Variants in PRDM11 observed in about 807,000 individuals in gnomAD.
PRDM11 encodes PR domain-containing protein 11.
PRDM11 carries 20 observed loss-of-function variants against 97.8 expected under a neutral mutation model. The observed-to-expected ratio is 0.20, with a 90% CI of 0.14 to 0.30. PRDM11 has a LOEUF of 0.30. PRDM11 is among the 10% of genes least tolerant of loss of function. The pLI is 1.00. For synonymous variants in PRDM11, 599 were observed against 637.7 expected (o/e 0.94, Z 0.91); for missense variants, 1,139 against 1,555.2 (o/e 0.73, Z 4.50).
At chr11:45,149,334 T>C (rs958630047) in intron 1 of PRDM11, among the ~76,000 whole-genome samples, 1 of 152,258 alleles carries the variant, frequency 6.6e-6, no homozygotes, top group Non-Finnish European at 1.5e-5. Flanking sequence ...ATCTGGCCCC[T>C]GCCCTTGACC....
At chr11:45,165,020 A>C (rs940334077) in intron 1 of PRDM11, among the ~76,000 whole-genome samples, 3 of 151,924 alleles carry the variant, frequency 2.0e-5, no homozygotes, top group Admixed American at 6.6e-5. Flanking sequence ...ACCTGATTTC[A>C]CTCTCATCCC....
chr11:45,101,579 G>A lies in PRDM11; in HGVS notation c.96+5678G>A, dbSNP rs1202836591. Among the ~76,000 whole-genome samples the A allele has an allele frequency of 3.2e-3, 442 of 139,296 alleles. 18 individuals are homozygous for A. Among genetic ancestry groups the A allele is most frequent in the African/African-American group, 9.8e-3 (382 of 39,104 alleles). 91.4% of individuals were successfully genotyped at this position (139,296 alleles called of 152,430 possible). ...TCAAAAAAAAAAAAAAGAAGAAGAA[G>A]AAGAAGAAGAAGAAGAAGAAGGCGT... On this transcript the variant is annotated intron_variant, in intron 1 of 6. Coordinates refer to the PRDM11 transcript ENST00000530656.
At chr11:45,163,054 C>G (rs904639561) in intron 1 of PRDM11, among the ~76,000 whole-genome samples, 1 of 152,184 alleles carries the variant, frequency 6.6e-6, no homozygotes, top group Non-Finnish European at 1.5e-5. Flanking sequence ...ATGCTCTCAA[C>G]TGTGTCCCAA....
rs1288420634 is a variant in PRDM11, at chr11:45,230,254, G to T, written c.*2095G>T. On this transcript the variant is annotated 3_prime_UTR_variant, in exon 8 of 8. Coordinates refer to ENST00000683152, the MANE Select transcript of PRDM11 (RefSeq NM_001384648.1). ...GTCCCACTGCCAGGCCTCATATGCT[G>T]CCTTCTTCAACAAATCAATGCACCC... 6.6e-6 allele frequency: 1 copy of T among 151,790 alleles called. No individual in the cohort carries two copies. The highest frequency in any genetic ancestry group is 1.5e-5 in the Non-Finnish European group (1 of 67,998). The allele number at this position is 151,790 out of a possible 1,614,324, so 9.4% of individuals were successfully genotyped here. A position where few individuals can be genotyped will look rare whatever the true frequency, so the allele number is the denominator to read the frequency against.
chr11:45,139,631 T>C (rs1455926520), intron 1 of PRDM11, among the ~76,000 whole-genome samples: 1 of 150,740 alleles, frequency 6.6e-6, no homozygotes, highest in Non-Finnish European at 1.5e-5. Context: ...CCTTTGACCC[T>C]GAAATTTCAT....
chr11:45,102,909 G>A (rs1436279103), intron 1 of PRDM11, among the ~76,000 whole-genome samples: 1 of 152,234 alleles, frequency 6.6e-6, no homozygotes, highest in African/African-American at 2.4e-5. Context: ...GTCGACCGAG[G>A]AAGGGAGAGC....
intron 5 of PRDM11, chr11:45,213,930 C>T: frequency 2.8e-6 from 1 of 353,304 alleles, no homozygotes; most frequent in South Asian, 2.1e-5. Flanking sequence ...CCTTGCCAGG[C>T]CTCTGCCCCC....
chr11:45,227,817 C>G lies in PRDM11; in HGVS notation c.3192C>G (p.Tyr1064Ter), dbSNP rs1854312718. Residue 1064 changes from tyrosine (Y) to a stop codon, truncating the protein, a stop_gained, in exon 8 of 8, where the codon TAC (tyrosine) becomes TAG (stop). Coordinates refer to ENST00000683152, the MANE Select transcript of PRDM11 (RefSeq NM_001384648.1). LOFTEE classifies it high-confidence loss of function. The surrounding 1 kb of genome is among the most constrained non-coding windows in gnomAD (Gnocchi z 8.0). ...ACCTGATCAGCCACATTTGCAAGTA[C>G]AAACAGAGGTTTCCACTCTTGAACA... ...FKDLISHICKYKQRFPLLNKI... is the reference protein window; with the variant it reads ...FKDLISHICK 6.5e-7 allele frequency: 1 copy of G among 1,533,842 alleles called. No homozygotes were observed. Among genetic ancestry groups the G allele is most frequent in the Non-Finnish European group, 8.7e-7 (1 of 1,146,750 alleles).
chr11:45,140,254 G>A (rs957585928), intron 1 of PRDM11, among the ~76,000 whole-genome samples: 2 of 152,186 alleles, frequency 1.3e-5, no homozygotes, highest in African/African-American at 4.8e-5. Flanking sequence ...TGGCTGTATG[G>A]ATTGACATGT....
intron 1 of PRDM11, among the ~76,000 whole-genome samples, chr11:45,107,550 T>C (rs1317375324): frequency 6.6e-6 from 1 of 152,016 alleles, no homozygotes; most frequent in African/African-American, 2.4e-5. Context: ...TGGGGTGCAG[T>C]GGGAAAGCCA....
intron 5 of PRDM11, 58 bp downstream of exon 5, chr11:45,204,836 A>G: frequency 1.3e-6 from 2 of 1,525,468 alleles, no homozygotes; most frequent in Non-Finnish European, 1.8e-6. Context: ...AAAGGAGCCA[A>G]GGGAGTGTGT....
intron 4 of PRDM11, among the ~76,000 whole-genome samples, chr11:45,188,480 G>T (rs1852789872): frequency 6.6e-6 from 1 of 152,160 alleles, no homozygotes; most frequent in South Asian, 2.1e-4. Flanking sequence ...TTACCTCCTT[G>T]CCTGGGTAGA....
At chr11:45,188,030 GT>G (rs1372500015) in intron 4 of PRDM11, among the ~76,000 whole-genome samples, 1 of 152,030 alleles carries the variant, frequency 6.6e-6, no homozygotes, top group Admixed American at 6.6e-5. Flanking sequence ...GTCAAGTCCT[GT>G]CCCAAAGCCA....
chr11:45,104,535 C>T (rs1852028890), intron 1 of PRDM11, among the ~76,000 whole-genome samples: 2 of 152,098 alleles, frequency 1.3e-5, no homozygotes, highest in Admixed American at 1.3e-4. Flanking sequence ...GGGCAAGAGC[C>T]TCTCCATTTT....
chr11:45,218,665 C>T (rs1460438681), intron 5 of PRDM11, among the ~76,000 whole-genome samples: 1 of 152,210 alleles, frequency 6.6e-6, no homozygotes, highest in Admixed American at 6.5e-5. Flanking sequence ...ATCTGTACAC[C>T]TTCACTCCTC....
At chr11:45,143,923 T>C (rs1009819554), upstream of PRDM11, among the ~76,000 whole-genome samples, 2 of 152,178 alleles carry the variant, frequency 1.3e-5, no homozygotes, top group African/African-American at 4.8e-5. Flanking sequence ...CAGGCCCAAC[T>C]CAGCCCACAG....
intron 1 of PRDM11, among the ~76,000 whole-genome samples, chr11:45,138,179 A>T (rs1368977514): frequency 6.6e-6 from 1 of 152,232 alleles, no homozygotes; most frequent in African/African-American, 2.4e-5. Flanking sequence ...GAGCCCAATG[A>T]ACAGGGGGGA....
intron 1 of PRDM11, among the ~76,000 whole-genome samples, chr11:45,166,272 T>A (rs1444372585): frequency 6.6e-6 from 1 of 152,164 alleles, no homozygotes; most frequent in Non-Finnish European, 1.5e-5. Flanking sequence ...TTGTATGAGG[T>A]GGCACAGTGG....
chr11:45,197,154 A>C (rs2068671059), intron 4 of PRDM11, among the ~76,000 whole-genome samples: 1 of 152,172 alleles, frequency 6.6e-6, no homozygotes, highest in Non-Finnish European at 1.5e-5. Flanking sequence ...AGGTCTCCAG[A>C]GTCTTTTTAA....
Sources: gnomAD v4.1 joint callset for allele counts (sites outside exome capture counted in the v4.1 genomes callset) on GRCh38, gnomAD v4.1.1 for gene constraint, Gnocchi (gnomAD v3.1) non-coding constraint, MANE v1.5 for transcripts, NCBI Gene and HGNC (gene_info 2026-07-23, HGNC 2026-07-21) for gene names.